HYAL1: variants seen among roughly 807,000 people sequenced by gnomAD.
HYAL1 encodes hyaluronidase-1.
A neutral mutation model predicts 28.8 loss-of-function variants in HYAL1; 21 were observed. That is an observed-to-expected ratio of 0.73 (90% CI 0.52 to 1.05). HYAL1 has a LOEUF of 1.05. Among genes scored for constraint, HYAL1 ranks in the 50% least tolerant of loss-of-function variants. HYAL1 has a pLI of 0.00. For synonymous variants in HYAL1, 200 were observed against 230.1 expected, an observed-to-expected ratio of 0.87 and a Z score of 1.18; for missense variants, 491 against 579.2, an observed-to-expected ratio of 0.85 and a Z score of 1.56.
upstream of HYAL1, among the ~76,000 whole-genome samples, chr3:50,305,076 G>A (rs984336384): frequency 4.6e-5 from 7 of 152,296 alleles, no homozygotes; most frequent in African/African-American, 1.4e-4. Context: ...TACAGACATA[G>A]ATGCATATTA....
intron 1 of HYAL1, 79 bp from the exon 2 acceptor site, chr3:50,303,059 C>T (rs1320666081): frequency 3.6e-6 from 4 of 1,119,936 alleles, no homozygotes; most frequent in Non-Finnish European, 5.0e-6. Flanking sequence ...GGGCTGAGCC[C>T]TTGCGCATTA....
Position 50,300,850 on chromosome 3 carries a change from C to T in HYAL1, c.991-50G>A, listed in dbSNP as rs781951581. On this transcript the variant is annotated intron_variant, in intron 3 of 3. Coordinates refer to ENST00000395144, the MANE Select transcript of HYAL1 (RefSeq NM_033159.4). ...CAGGGACACCATGGCCATGTATGGA[C>T]CCACCCAGGGCACTGAGGCACTCAC... 2.5e-6 allele frequency: 4 copies of T among 1,586,598 alleles called. No individual in the cohort carries two copies. In the South Asian group the frequency reaches 4.5e-5, roughly 18 times the overall value.
chr3:50,300,362 G>T lies in HYAL1; in HGVS notation c.*121C>A. The T allele has an allele frequency of 1.0e-6, 1 of 972,594 alleles. No individual in the cohort carries two copies. Among genetic ancestry groups the T allele is most frequent in the Non-Finnish European group, 1.6e-6 (1 of 610,580 alleles). 60.2% of individuals were successfully genotyped at this position (972,594 alleles called of 1,614,324 possible). On this transcript the variant is annotated 3_prime_UTR_variant, in exon 4 of 4. Coordinates refer to ENST00000395144, the MANE Select transcript of HYAL1 (RefSeq NM_033159.4). Reference sequence around the variant, plus strand: ...GTGTGCAGGGAATATGCCTGTGACAGTGGCTGAGTGTACTCTTTACTGTGA... The same window carrying T: ...GTGTGCAGGGAATATGCCTGTGACATTGGCTGAGTGTACTCTTTACTGTGA...
Position 50,302,556 on chromosome 3 carries a change from C to T in HYAL1, c.401G>A (p.Arg134His), listed in dbSNP as rs1402185845. The T allele has an allele frequency of 1.9e-6, 3 of 1,614,042 alleles. No homozygotes were observed. The highest frequency in any genetic ancestry group is 1.3e-5 in the African/African-American group (1 of 74,924). Reference sequence around the variant, plus strand: ...GTCCCAGTTGAAGGCCCAGCGTGGGCGCCATGCCTCCCAGTCGATGACTGC... The same window carrying T: ...GTCCCAGTTGAAGGCCCAGCGTGGGTGCCATGCCTCCCAGTCGATGACTGC... ...GLAVIDWEAW[R>H]PRWAFNWDTK... is the part of the protein sequence containing the mutation. Residue 134 changes from arginine to histidine, a missense_variant, in exon 2 of 4, where the codon CGC becomes CAC. Transcript: ENST00000395144. The surrounding 1 kb of genome is among the most constrained non-coding windows in gnomAD (Gnocchi z 5.0).
At chr3:50,309,077 T>C (rs1410918213) in intron 2 of HYAL1, among the ~76,000 whole-genome samples, 1 of 151,350 alleles carries the variant, frequency 6.6e-6, no homozygotes, top group African/African-American at 2.5e-5. Flanking sequence ...ATTTGGAGCA[T>C]ATTTGTTTCT....
intron 1 of HYAL1, among the ~76,000 whole-genome samples, chr3:50,311,701 G>A (rs188810024): frequency 0.026 from 3,670 of 143,842 alleles, no homozygotes; most frequent in Non-Finnish European, 0.038. Flanking sequence ...CGGACGGGGC[G>A]GCAGGCCGGG....
At chr3:50,306,219 C>CTTTTTTT (rs1173166946), upstream of HYAL1, among the ~76,000 whole-genome samples, 1 of 84,456 alleles carries the variant, frequency 1.2e-5, no homozygotes, top group African/African-American at 4.5e-5. Context: ...CTGTACAACT[C>CTTTTTTT]TTTTTTTTTT....
upstream of HYAL1, among the ~76,000 whole-genome samples, chr3:50,305,186 G>T (rs186687868): frequency 3.4e-3 from 518 of 152,256 alleles, 2 homozygotes; most frequent in South Asian, 5.8e-3. Flanking sequence ...CCCCAGTGGG[G>T]GGCCGTGCTT....
In HYAL1 at chr3:50,300,929, G is replaced by A. The variant is rs782142144; in HGVS notation, c.990+59C>T. On this transcript the variant is annotated intron_variant, in intron 3 of 3. Coordinates refer to ENST00000395144, the MANE Select transcript of HYAL1 (RefSeq NM_033159.4). ...GAAAGGGTAAGTCAGGGTCTACCCC[G>A]TCAGCTTAATGGCCCCACCCCTCCC... 24 of 1,471,352 alleles carry A rather than the reference G, an allele frequency of 1.6e-5. No individual in the cohort carries two copies. The East Asian group carries it at 2.3e-4, about 14-fold the overall frequency. The allele number at this position is 1,471,352 out of a possible 1,614,324, so 91.1% of individuals were successfully genotyped here.
rs202067357 is a variant in HYAL1 at position 50,300,590 on chromosome 3, G to A, written c.1201C>T (p.Arg401Trp). The change falls in exon 4 of 4, where the codon CGG (arginine) becomes TGG (tryptophan). Residue 401 changes from arginine to tryptophan, a missense_variant. Transcript: ENST00000395144. The stretch of plus-strand genomic sequence containing the variant: ...TGATCTTCAAGTGAGAGGGCACCCC[G>A]CAGGCTCAGGGGCCCACCACCAGGC... Reference protein sequence around the residue: ...LTPGGGPLSLRGALSLEDQAQ... With the variant: ...LTPGGGPLSLWGALSLEDQAQ... 9.9e-5 allele frequency: 159 copies of A among 1,614,188 alleles called. 2 individuals are homozygous for A. Among genetic ancestry groups the A allele is most frequent in the South Asian group, 4.7e-4 (43 of 91,088 alleles).
chr3:50,301,262 C>T (rs1702145438), intron 2 of HYAL1, among the ~76,000 whole-genome samples, 185 bp from the exon 3 acceptor site: 1 of 152,170 alleles, frequency 6.6e-6, no homozygotes, highest in African/African-American at 2.4e-5. Context: ...TACATCATTC[C>T]AATAAATGTT....
chr3:50,305,228 A>G (rs891887926), upstream of HYAL1, among the ~76,000 whole-genome samples: 3 of 152,000 alleles, frequency 2.0e-5, no homozygotes, highest in Non-Finnish European at 4.4e-5. Context: ...GACAGAGCTT[A>G]TGTACTTCTG....
chr3:50,304,570 A>C (rs1170937562), upstream of HYAL1, among the ~76,000 whole-genome samples: 1 of 151,502 alleles, frequency 6.6e-6, no homozygotes, highest in African/African-American at 2.4e-5. Context: ...AATTATTAAT[A>C]TATTTACATT....
chr3:50,300,553 G>A lies in HYAL1; in HGVS notation c.1238C>T (p.Ala413Val). The stretch of plus-strand genomic sequence containing the variant: ...GTAGCATCGACATTTGAACTCCACA[G>A]CCATCTGTGCCTGATCTTCAAGTGA... ...ALSLEDQAQM[A>V]VEFKCRCYPG... The change falls in exon 4 of 4, where the codon GCT becomes GTT. Residue 413 changes from alanine (A) to valine (V), a missense_variant. Ala to Val is a moderately conservative substitution (Grantham distance 64, BLOSUM62 0). Coordinates refer to ENST00000395144, the MANE Select transcript of HYAL1 (RefSeq NM_033159.4). The A allele has an allele frequency of 6.2e-7, 1 of 1,614,264 alleles. No individual in the cohort carries two copies. Among genetic ancestry groups the A allele is most frequent in the Non-Finnish European group, 8.5e-7 (1 of 1,180,048 alleles).
At chr3:50,304,431 T>C (rs1479813637), upstream of HYAL1, among the ~76,000 whole-genome samples, 5 of 144,326 alleles carry the variant, frequency 3.5e-5, no homozygotes, top group Admixed American at 3.5e-4. Context: ...CAAGACCCCA[T>C]CTCTACAAAA....
chr3:50,307,524 CA>C (rs1702355303), upstream of HYAL1, among the ~76,000 whole-genome samples: 1 of 147,924 alleles, frequency 6.8e-6, no homozygotes, highest in Non-Finnish European at 1.5e-5. Flanking sequence ...ACTAAAAATA[CA>C]AAAAATTAAG....
upstream of HYAL1, among the ~76,000 whole-genome samples, chr3:50,308,450 A>C (rs587734489): frequency 6.7e-6 from 1 of 149,004 alleles, no homozygotes; most frequent in South Asian, 2.1e-4. Flanking sequence ...ATATATTATT[A>C]TTATTATTAT....
At chr3:50,309,784 A>G (rs587674726) in intron 1 of HYAL1, 1 of 148,558 alleles carries the variant, frequency 6.7e-6, no homozygotes, top group East Asian at 1.9e-4. Flanking sequence ...TAGCCTGATC[A>G]AAAAAAAAAG....
chr3:50,309,935 G>A (rs1048960508), intron 1 of HYAL1, among the ~76,000 whole-genome samples: 5 of 151,468 alleles, frequency 3.3e-5, no homozygotes, highest in Non-Finnish European at 5.9e-5. Flanking sequence ...TCTTACCTGA[G>A]ATTCCTCTTA....
Sources: gnomAD v4.1 joint callset for allele counts (sites outside exome capture counted in the v4.1 genomes callset) on GRCh38, gnomAD v4.1.1 for gene constraint, Gnocchi (gnomAD v3.1) non-coding constraint, MANE v1.5 for transcripts, NCBI Gene and HGNC (gene_info 2026-07-23, HGNC 2026-07-21) for gene names.